The following FGD6 variants were observed in gnomAD, a reference collection of about 807,000 sequenced individuals.
The protein encoded by FGD6 is FYVE, RhoGEF and PH domain-containing protein 6.
In FGD6, 90 loss-of-function variants were observed where a neutral mutation model predicts 149.4. The observed-to-expected ratio is 0.60, with a 90% confidence interval of 0.51 to 0.72. The LOEUF is 0.72. Among genes scored for constraint, FGD6 ranks in the 30% least tolerant of loss-of-function variants. The pLI, the probability that FGD6 is intolerant of heterozygous loss-of-function variation, is 0.00. For synonymous variants in FGD6, 527 were observed against 584.0 expected (o/e 0.90, Z 1.41); for missense variants, 1,437 against 1,684.8 (o/e 0.85, Z 2.57).
chr12:95,120,418 G>A (rs1236487085), intron 8 of FGD6, among the ~76,000 whole-genome samples: 1 of 151,790 alleles, frequency 6.6e-6, no homozygotes, highest in Non-Finnish European at 1.5e-5. Flanking sequence ...TGGGCATGGT[G>A]GTTCATGTCT....
intron 8 of FGD6, among the ~76,000 whole-genome samples, chr12:95,129,311 GCATCCATCCATCCATC>G (rs71435749): frequency 1.9e-5 from 2 of 105,358 alleles, no homozygotes; most frequent in Non-Finnish European, 3.9e-5. Flanking sequence ...ATGCATGCAT[GCATCCATCCATCCATC>G]CATCCATCCA....
In FGD6 at chr12:95,080,925, G is replaced by A. The variant is rs143847366; in HGVS notation, c.*595C>T. 1.3e-5 allele frequency: 2 copies of A among 152,216 alleles called. No individual in the cohort carries two copies. The highest frequency in any genetic ancestry group is 1.9e-4 in the East Asian group (1 of 5,186). The allele number at this position is 152,216 out of a possible 1,614,324, so 9.4% of individuals were successfully genotyped here. A position where few individuals can be genotyped will look rare whatever the true frequency, so the allele number is the denominator to read the frequency against. ...TGTAATATTAACTCCTGCCAAAGAG[G>A]TACCTAACAACAGAAATACTTTAGA... On this transcript the variant is annotated 3_prime_UTR_variant, in exon 21 of 21. Transcript: ENST00000343958.
chr12:95,175,682 T>C (rs1191837292), intron 2 of FGD6, among the ~76,000 whole-genome samples: 1 of 150,192 alleles, frequency 6.7e-6, no homozygotes, highest in Non-Finnish European at 1.5e-5. Flanking sequence ...GAGGCAGAGG[T>C]TGCAGTACTC....
intron 5 of FGD6, among the ~76,000 whole-genome samples, chr12:95,152,373 T>C (rs1402701226): frequency 1.3e-5 from 2 of 152,106 alleles, no homozygotes; most frequent in East Asian, 1.9e-4. Flanking sequence ...AAACAGAAAA[T>C]AGAACTAAAA....
intron 5 of FGD6, among the ~76,000 whole-genome samples, chr12:95,143,261 A>G (rs553404748): frequency 1.3e-5 from 2 of 149,864 alleles, no homozygotes; most frequent in Non-Finnish European, 3.0e-5. Context: ...CCCCTAACAT[A>G]CATATATTAA....
chr12:95,172,521 T>G, intron 3 of FGD6, 79 bp downstream of exon 3: 1 of 1,263,340 alleles, frequency 7.9e-7, no homozygotes, highest in Non-Finnish European at 1.1e-6. Flanking sequence ...CTCACAAGGG[T>G]TTCTGTGCCT....
rs77256540 is a variant in FGD6, at chr12:95,098,815, G to A, written c.3498-4121C>T. ...ACTTAATTGTGTTAATATTTGCTAA[G>A]TGCGTGTCCTCCTCCATGGAATGTC... is the stretch of plus-strand genomic sequence containing the variant. On this transcript the variant is annotated intron_variant, in intron 14 of 20. Transcript: ENST00000343958. 9.0e-3 allele frequency among the ~76,000 whole-genome samples: 1,373 copies of A among 151,768 alleles called. 20 individuals carry two copies. Among genetic ancestry groups the A allele is most frequent in the African/African-American group, 0.031 (1,300 of 41,368 alleles).
intron 20 of FGD6, among the ~76,000 whole-genome samples, chr12:95,083,030 T>TATATATATACACACACACACACACAC (rs772685891): frequency 1.1e-4 from 6 of 56,574 alleles, no homozygotes; most frequent in South Asian, 7.0e-4. Context: ...TATATATATA[T>TATATATATACACACACACACACACAC]ACACACACAT....
Position 95,210,326 on chromosome 12 carries a change from T to A in FGD6, c.958A>T (p.Thr320Ser). The A allele has an allele frequency of 6.2e-7, 1 of 1,614,084 alleles. No homozygotes were observed. The part of the protein sequence containing the change: ...PKFPTPKPRK[T>S]RTARLLRQKC... ...TGGCGTAACAGACGAGCAGTTCGTG[T>A]CTTTCTGGGCTTGGGAGTTGGAAAT... The change falls in exon 2 of 21, where the codon ACA becomes TCA. Residue 320 changes from threonine (T) to serine (S), a missense_variant. Thr to Ser is a moderately conservative substitution (Grantham distance 58). This residue lies in a region of FGD6 where 1,055 missense variants were observed against 1,146.0 expected (regional missense o/e 0.92). Coordinates refer to ENST00000343958, the MANE Select transcript of FGD6 (RefSeq NM_018351.4).
Position 95,200,663 on chromosome 12 carries a change from A to G in FGD6, c.2441+8180T>C, listed in dbSNP as rs566000940. Among the ~76,000 whole-genome samples, 21 of 152,318 alleles carry G rather than the reference A, an allele frequency of 1.4e-4. No homozygotes were observed. The South Asian group carries it at 3.7e-3, about 27-fold the overall frequency. On this transcript the variant is annotated intron_variant, in intron 2 of 20. Transcript: ENST00000343958. ...AAGAAGACAGCTGTTCTTCCCAGAA[A>G]TACAATCATCATATTTACTCCACTG...
At chr12:95,138,923 T>C (rs1879761807) in intron 6 of FGD6, among the ~76,000 whole-genome samples, 1 of 152,218 alleles carries the variant, frequency 6.6e-6, no homozygotes, top group South Asian at 2.1e-4. Context: ...CTACTAAATG[T>C]CTGCTCCATG....
intron 3 of FGD6, among the ~76,000 whole-genome samples, chr12:95,159,800 T>C (rs940435320): frequency 3.9e-5 from 6 of 152,144 alleles, no homozygotes; most frequent in Admixed American, 3.3e-4. Flanking sequence ...GCCACTGCAC[T>C]CCAGCCTTGG....
rs540194272 is a variant in FGD6 at position 95,105,351 on chromosome 12, T to C, written c.3418-265A>G. On this transcript the variant is annotated intron_variant, in intron 13 of 20. Coordinates refer to ENST00000343958, the MANE Select transcript of FGD6 (RefSeq NM_018351.4). Reference sequence around the variant, plus strand: ...TCCCTTACATCTCAGCATGGCCAAATGTGACCTATACTTTAAGGTCCACTG... The same window carrying C: ...TCCCTTACATCTCAGCATGGCCAAACGTGACCTATACTTTAAGGTCCACTG... 3.3e-5 allele frequency among the ~76,000 whole-genome samples: 5 copies of C among 152,312 alleles called. No individual in the cohort carries two copies. The South Asian group carries it at 1.0e-3, about 32-fold the overall frequency.
chr12:95,174,163 A>C (rs1881067190), intron 2 of FGD6, among the ~76,000 whole-genome samples: 1 of 152,094 alleles, frequency 6.6e-6, no homozygotes, highest in Non-Finnish European at 1.5e-5. Context: ...TGGTGGATAG[A>C]GGATAGCAAC....
At chr12:95,191,714 A>G (rs77230786) in intron 2 of FGD6, among the ~76,000 whole-genome samples, 22,896 of 152,098 alleles carry the variant, frequency 0.15, 1,808 homozygotes, top group African/African-American at 0.18. Context: ...ACTTGCATAT[A>G]AACTACATAT....
At chr12:95,108,693 G>T in intron 9 of FGD6, 132 bp from the exon 10 acceptor site, 1 of 975,464 alleles carries the variant, frequency 1.0e-6, no homozygotes, top group Non-Finnish European at 1.5e-6. Context: ...TATTGACTGT[G>T]AGTAGGCAGA....
intron 6 of FGD6, among the ~76,000 whole-genome samples, chr12:95,141,047 C>A (rs1328432832): frequency 3.9e-5 from 6 of 151,980 alleles, no homozygotes; most frequent in Non-Finnish European, 8.8e-5. Flanking sequence ...CACGGTGAAA[C>A]CTCATCTCTA....
At chr12:95,169,942 G>C (rs775348735) in intron 3 of FGD6, among the ~76,000 whole-genome samples, 1 of 151,902 alleles carries the variant, frequency 6.6e-6, no homozygotes, top group Non-Finnish European at 1.5e-5. Flanking sequence ...CCAACATGGT[G>C]AAACTCCTTC....
Position 95,141,614 on chromosome 12 carries a change from T to C in FGD6, c.2686-75A>G, listed in dbSNP as rs1049901215. On this transcript the variant is annotated intron_variant, in intron 5 of 20. Coordinates refer to ENST00000343958, the MANE Select transcript of FGD6 (RefSeq NM_018351.4). Reference sequence around the variant, plus strand: ...AACAAGCTTTTATCCTCAGTCCCCCTCCTCCCTAAAATGATACAGATTGCA... The same window carrying C: ...AACAAGCTTTTATCCTCAGTCCCCCCCCTCCCTAAAATGATACAGATTGCA... 1.1e-5 allele frequency: 17 copies of C among 1,519,380 alleles called. No homozygotes were observed. The African/African-American group carries it at 2.1e-4, about 18-fold the overall frequency. 94.1% of individuals were successfully genotyped at this position (1,519,380 alleles called of 1,614,324 possible).
Sources: gnomAD v4.1 joint callset for allele counts (sites outside exome capture counted in the v4.1 genomes callset) on GRCh38, gnomAD v4.1.1 for gene constraint, gnomAD v4.1.1 regional missense constraint, MANE v1.5 for transcripts, NCBI Gene and HGNC (gene_info 2026-07-23, HGNC 2026-07-21) for gene names.